The following ANO1 variants were observed in gnomAD, a reference collection of about 807,000 sequenced individuals.
ANO1 encodes anoctamin-1.
A neutral mutation model predicts 124.0 loss-of-function variants in ANO1; 59 were observed. That is an observed-to-expected ratio of 0.48 (90% CI 0.39 to 0.59). ANO1 has a LOEUF of 0.59. Ranked by LOEUF, ANO1 falls within the 20% of genes least tolerant of loss-of-function variation. The pLI is 0.00. For synonymous variants in ANO1, 529 were observed against 532.0 expected, an observed-to-expected ratio of 0.99 and a Z score of 0.08; for missense variants, 1,059 against 1,328.0, an observed-to-expected ratio of 0.80 and a Z score of 3.15.
rs1555008734 is a variant in ANO1, at chr11:70,067,323, G to GGTTTTTTTTTTT, written c.59-11219_59-11218insGTTTTTTTTTTT. 4.7e-5 allele frequency among the ~76,000 whole-genome samples: 6 copies of GGTTTTTTTTTTT among 126,536 alleles called. 3 individuals carry two copies. The highest frequency in any genetic ancestry group is 5.9e-5 in the African/African-American group (2 of 34,160). 83.0% of individuals were successfully genotyped at this position (126,536 alleles called of 152,430 possible). ...TCCAAGGGGACAAGGAATCGTGGGTGTTTTTTTTTTTTTTTTTTTTTTGAG... is the reference window on the plus strand; with the variant it reads ...TCCAAGGGGACAAGGAATCGTGGGTGGTTTTTTTTTTTTTTTTTTTTTTTTTTTTTTTTTGAG... On this transcript the variant is annotated intron_variant, in intron 1 of 27. Transcript: ENST00000531349.
At chr11:70,104,205 CCTT>C in intron 4 of ANO1, 55 bp downstream of exon 4, 2 of 1,533,372 alleles carry the variant, frequency 1.3e-6, no homozygotes, top group Non-Finnish European at 1.8e-6. Context: ...GGGGATTTAA[CCTT>C]CTAGCATGAG....
chr11:70,000,182 A>G (rs529087240), intron 1 of ANO1, among the ~76,000 whole-genome samples: 6 of 152,294 alleles, frequency 3.9e-5, no homozygotes, highest in African/African-American at 1.4e-4. Flanking sequence ...TGGGAAAAAA[A>G]ATGAACGGAG....
At chr11:70,019,572 C>A (rs1314651258) in intron 1 of ANO1, among the ~76,000 whole-genome samples, 2 of 143,506 alleles carry the variant, frequency 1.4e-5, no homozygotes, top group African/African-American at 5.2e-5. Flanking sequence ...ATTGTATCTT[C>A]CCAAGTATGC....
intron 10 of ANO1, among the ~76,000 whole-genome samples, chr11:70,129,095 C>A (rs1241799061): frequency 1.3e-5 from 2 of 152,222 alleles, no homozygotes; most frequent in Non-Finnish European, 2.9e-5. Context: ...CCCAACCCCC[C>A]AAAACGCTGC....
chr11:70,012,919 C>T (rs1176877452), intron 1 of ANO1, among the ~76,000 whole-genome samples: 1 of 152,224 alleles, frequency 6.6e-6, no homozygotes, highest in Non-Finnish European at 1.5e-5. Flanking sequence ...CAAGACCAAC[C>T]ATGCCCTCAG....
intron 16 of ANO1, among the ~76,000 whole-genome samples, chr11:70,158,618 GTAGGAACT>G (rs1469096366): frequency 7.0e-6 from 1 of 143,098 alleles, no homozygotes; most frequent in Non-Finnish European, 1.6e-5. Flanking sequence ...ATGCCATTCT[GTAGGAACT>G]TGGAGAGACA....
chr11:70,068,890 A>G (rs960957286), intron 1 of ANO1, among the ~76,000 whole-genome samples: 8 of 152,138 alleles, frequency 5.3e-5, no homozygotes, highest in Admixed American at 4.6e-4. Context: ...GGCTGTTACC[A>G]TGCTCTCTGC....
intron 8 of ANO1, among the ~76,000 whole-genome samples, chr11:70,120,777 T>C (rs1225039737): frequency 6.6e-6 from 1 of 152,036 alleles, no homozygotes; most frequent in East Asian, 1.9e-4. Context: ...GGCAGGGGGT[T>C]TCGACAAGAG....
At chr11:70,013,334 A>G (rs1441412165) in intron 1 of ANO1, among the ~76,000 whole-genome samples, 2 of 152,226 alleles carry the variant, frequency 1.3e-5, no homozygotes, top group African/African-American at 4.8e-5. Flanking sequence ...TTAAGAGAAG[A>G]CAAGAAGCTA....
chr11:69,989,614 C>T (rs782534864), intron 1 of ANO1, among the ~76,000 whole-genome samples: 4 of 152,140 alleles, frequency 2.6e-5, no homozygotes, highest in Admixed American at 6.5e-5. Context: ...CTCCCCACCA[C>T]CTGCTACTGC....
At chr11:70,110,652 C>T (rs915189287) in intron 6 of ANO1, among the ~76,000 whole-genome samples, 1 of 152,100 alleles carries the variant, frequency 6.6e-6, no homozygotes, top group Non-Finnish European at 1.5e-5. Context: ...ATTTTCCCGC[C>T]GCTATCAGGT....
chr11:70,047,219 G>T (rs1193868562), intron 1 of ANO1, among the ~76,000 whole-genome samples: 1 of 151,978 alleles, frequency 6.6e-6, no homozygotes, highest in Non-Finnish European at 1.5e-5. Flanking sequence ...TATCAGGATT[G>T]GTTCATTAAT....
intron 1 of ANO1, among the ~76,000 whole-genome samples, chr11:69,995,146 C>T (rs1856243777): frequency 6.8e-6 from 1 of 147,488 alleles, no homozygotes; most frequent in Non-Finnish European, 1.5e-5. Flanking sequence ...GTCACCCAGG[C>T]TGGAGTGCAA....
intron 1 of ANO1, among the ~76,000 whole-genome samples, chr11:70,040,532 C>T (rs1237683695): frequency 5.3e-5 from 8 of 152,262 alleles, no homozygotes; most frequent in South Asian, 2.1e-4. Flanking sequence ...AAAAATTAGT[C>T]GGGCATGGTG....
intron 1 of ANO1, among the ~76,000 whole-genome samples, chr11:70,043,886 T>C (rs1352750066): frequency 6.6e-6 from 1 of 152,152 alleles, no homozygotes; most frequent in African/African-American, 2.4e-5. Context: ...AAGGATGGAT[T>C]GTACCAGAAT....
chr11:70,128,608 C>T (rs1360791438), intron 10 of ANO1, among the ~76,000 whole-genome samples: 7 of 152,242 alleles, frequency 4.6e-5, no homozygotes, highest in African/African-American at 1.4e-4. Flanking sequence ...GGCCTCTGCC[C>T]AGCAGGCGAC....
chr11:70,136,715 G>A (rs574810331), intron 11 of ANO1, among the ~76,000 whole-genome samples: 8 of 148,038 alleles, frequency 5.4e-5, no homozygotes, highest in African/African-American at 1.9e-4. Flanking sequence ...TCCACCACAC[G>A]AGGGTGTGGG....
At chr11:70,103,256 G>A in intron 3 of ANO1, 92 bp downstream of exon 3, 1 of 1,030,940 alleles carries the variant, frequency 9.7e-7, no homozygotes, top group Non-Finnish European at 1.4e-6. Context: ...TCGAGGCCCT[G>A]AGTTTTATAA....
intron 1 of ANO1, among the ~76,000 whole-genome samples, chr11:70,067,528 A>C (rs1857761363): frequency 6.6e-6 from 1 of 152,084 alleles, no homozygotes; most frequent in Non-Finnish European, 1.5e-5. Context: ...GGGTTTCACC[A>C]TGTTGGCCAG....
Sources: gnomAD v4.1 joint callset for allele counts (sites outside exome capture counted in the v4.1 genomes callset) on GRCh38, gnomAD v4.1.1 for gene constraint, MANE v1.5 for transcripts, NCBI Gene and HGNC (gene_info 2026-07-23, HGNC 2026-07-21) for gene names.